Variants in MGST2 observed in about 807,000 individuals in gnomAD.
MGST2 encodes the protein microsomal glutathione S-transferase 2, also known as glutathione peroxidase MGST2.
Under a neutral mutation model 16.6 loss-of-function variants are expected in MGST2, and 9 were observed. The ratio of observed to expected loss-of-function variants is 0.54; its 90% confidence interval spans 0.33 to 0.95. The LOEUF (loss-of-function observed/expected upper bound fraction) is 0.95, where lower values mean the gene tolerates loss of function less well. Ranked by LOEUF, MGST2 falls within the 40% of genes least tolerant of loss-of-function variation. The pLI is 0.03. For missense variants in MGST2, 159 were observed against 175.1 expected, an observed-to-expected ratio of 0.91 and a Z score of 0.52; for synonymous variants, 79 against 68.0, an observed-to-expected ratio of 1.16 and a Z score of -0.79.
intron 5 of MGST2, chr4:139,725,814 G>T (rs1728448429): frequency 6.2e-7 from 1 of 1,613,874 alleles, no homozygotes; most frequent in African/African-American, 1.3e-5. Flanking sequence ...TGCTGCCGGG[G>T]TAGATGTGAT....
chr4:139,688,441 A>AG (rs1726372573), intron 2 of MGST2, among the ~76,000 whole-genome samples: 1 of 152,142 alleles, frequency 6.6e-6, no homozygotes, highest in African/African-American at 2.4e-5. Flanking sequence ...CACAAGGCAC[A>AG]GGTAAGCCTG....
In MGST2 at chr4:139,735,203, T is replaced by TG. The variant is rs1728886416; in HGVS notation, c.*49-5007dup. ...AGCAGATGGTGTTCGCACGGCGTGA[T>TG]GGACATCACACACGACAGCCTGAGA... On this transcript the variant is annotated intron_variant, in intron 5 of 5. Coordinates refer to the MGST2 transcript ENST00000616265. The surrounding 1 kb of genome is among the most constrained non-coding windows in gnomAD (Gnocchi z 5.8). Among the ~76,000 whole-genome samples, 2 of 152,336 alleles carry TG rather than the reference T, an allele frequency of 1.3e-5. No homozygotes were observed. Among genetic ancestry groups the TG allele is most frequent in the South Asian group, 4.1e-4 (2 of 4,824 alleles).
At chr4:139,682,106 G>A (rs918302693) in intron 2 of MGST2, among the ~76,000 whole-genome samples, 1 of 152,184 alleles carries the variant, frequency 6.6e-6, no homozygotes, top group Admixed American at 6.5e-5. Context: ...TGAGGTTGGA[G>A]GATTGGTTGA....
intron 2 of MGST2, among the ~76,000 whole-genome samples, chr4:139,683,925 T>TG (rs1249893100): frequency 7.8e-6 from 1 of 128,772 alleles, no homozygotes; most frequent in Non-Finnish European, 1.6e-5. Context: ...TTGTGTTTTT[T>TG]TTTTTTTTTT....
intron 5 of MGST2, among the ~76,000 whole-genome samples, chr4:139,722,536 C>T (rs1417144172): frequency 1.3e-5 from 2 of 152,162 alleles, no homozygotes; most frequent in East Asian, 3.9e-4. Context: ...TGCTGGTTAA[C>T]ATCACAATGT....
chr4:139,728,806 G>T (rs1490642872), intron 5 of MGST2, among the ~76,000 whole-genome samples: 1 of 152,164 alleles, frequency 6.6e-6, no homozygotes, highest in African/African-American at 2.4e-5. Context: ...GTGCTCCCCA[G>T]GGTCGGGCTG....
In MGST2 at chr4:139,665,931, T is replaced by C; in HGVS notation, c.-89T>C. On this transcript the variant is annotated 5_prime_UTR_variant, in exon 1 of 5. Transcript: ENST00000265498. ...CTTTTCCCCCCACCCGGTCCCCAAC[T>C]TTGTTTACCCGATAAGGAAGGTCAG... The C allele has an allele frequency of 7.3e-7, 1 of 1,370,732 alleles. No homozygotes were observed. Among genetic ancestry groups the C allele is most frequent in the Non-Finnish European group, 1.0e-6 (1 of 965,212 alleles). The allele number at this position is 1,370,732 out of a possible 1,614,324, so 84.9% of individuals were successfully genotyped here. A position where few individuals can be genotyped will look rare whatever the true frequency, so the allele number is the denominator to read the frequency against.
intron 2 of MGST2, chr4:139,685,172 A>G (rs1347898698): frequency 6.6e-6 from 1 of 152,450 alleles, no homozygotes; most frequent in African/African-American, 2.4e-5. Context: ...AATTTTGCTA[A>G]TGGCTCTCTT....
chr4:139,706,902 A>G (rs191820451), downstream of MGST2, among the ~76,000 whole-genome samples: 2 of 152,314 alleles, frequency 1.3e-5, no homozygotes, highest in Admixed American at 6.5e-5. Flanking sequence ...GATCGGTTTG[A>G]CAATTACATG....
chr4:139,691,666 AGATGATGATGAT>A (rs376635466), intron 2 of MGST2, among the ~76,000 whole-genome samples: 9 of 144,092 alleles, frequency 6.2e-5, no homozygotes, highest in Non-Finnish European at 1.1e-4. Flanking sequence ...ACTGGCAGTC[AGATGATGATGAT>A]GATGATGATG....
chr4:139,674,844 A>G (rs1730882329), intron 1 of MGST2, among the ~76,000 whole-genome samples: 1 of 152,224 alleles, frequency 6.6e-6, no homozygotes, highest in Non-Finnish European at 1.5e-5. Context: ...GGTTTGTCCA[A>G]TGCAGTTCCC....
the MGST2 span, among the ~76,000 whole-genome samples, chr4:139,748,562 A>C: frequency 6.6e-6 from 1 of 152,178 alleles, no homozygotes; most frequent in Admixed American, 6.5e-5. Flanking sequence ...AGTCAGGCTG[A>C]GAAGAGGCCA....
intron 1 of MGST2, among the ~76,000 whole-genome samples, chr4:139,669,849 A>G (rs1730577792): frequency 6.6e-6 from 1 of 152,214 alleles, no homozygotes; most frequent in African/African-American, 2.4e-5. Flanking sequence ...GAGGGAGGAA[A>G]TGGGGAATGC....
At chr4:139,730,381 A>G (rs555612710) in intron 5 of MGST2, 2 of 1,502,158 alleles carry the variant, frequency 1.3e-6, no homozygotes, top group East Asian at 4.9e-5. Context: ...GTGCTTGCTG[A>G]ATGAATGAAT....
chr4:139,703,313 T>G, intron 3 of MGST2, 142 bp from the exon 4 acceptor site: 1 of 727,574 alleles, frequency 1.4e-6, no homozygotes, highest in South Asian at 1.6e-5. Context: ...GTTTCCTTCC[T>G]ATGTGGATTC....
At chr4:139,676,785 T>C (rs1204734727) in intron 1 of MGST2, among the ~76,000 whole-genome samples, 1 of 152,226 alleles carries the variant, frequency 6.6e-6, no homozygotes, top group African/African-American at 2.4e-5. Flanking sequence ...TGTACAATTC[T>C]TTGTACTGAA....
At chr4:139,693,360 G>C (rs563954287) in intron 2 of MGST2, among the ~76,000 whole-genome samples, 2 of 148,670 alleles carry the variant, frequency 1.3e-5, no homozygotes. Context: ...AGCCGAGATC[G>C]TGCCACTGCA....
downstream of MGST2, among the ~76,000 whole-genome samples, chr4:139,741,607 C>T (rs532839568): frequency 1.3e-5 from 2 of 152,070 alleles, no homozygotes; most frequent in African/African-American, 2.4e-5. Flanking sequence ...ATTAGCTGGG[C>T]ATGGTGGTGT....
intron 3 of MGST2, among the ~76,000 whole-genome samples, chr4:139,697,018 G>T (rs1003384376): frequency 6.6e-6 from 1 of 152,108 alleles, no homozygotes; most frequent in Non-Finnish European, 1.5e-5. Context: ...AATATCAAAA[G>T]AATGTTAGAA....
Sources: gnomAD v4.1 joint callset for allele counts (sites outside exome capture counted in the v4.1 genomes callset) on GRCh38, gnomAD v4.1.1 for gene constraint, Gnocchi (gnomAD v3.1) non-coding constraint, MANE v1.5 for transcripts, NCBI Gene and HGNC (gene_info 2026-07-23, HGNC 2026-07-21) for gene names.